Variants in KCNIP1 observed in about 807,000 individuals in gnomAD.
KCNIP1 encodes the protein potassium voltage-gated channel interacting protein 1, also known as A-type potassium channel modulatory protein KCNIP1.
Under a neutral mutation model 33.0 loss-of-function variants are expected in KCNIP1, and 18 were observed. The ratio of observed to expected loss-of-function variants is 0.55; its 90% CI spans 0.38 to 0.81. The LOEUF is 0.81. Among genes scored for constraint, KCNIP1 ranks in the 30% least tolerant of loss-of-function variants. KCNIP1 has a pLI of 0.00. For synonymous variants in KCNIP1, 93 were observed against 98.3 expected (o/e 0.95, Z 0.32); for missense variants, 238 against 271.6 (o/e 0.88, Z 0.87).
At chr5:170,731,321 C>T (rs1375983401) in intron 5 of KCNIP1, among the ~76,000 whole-genome samples, 1 of 152,110 alleles carries the variant, frequency 6.6e-6, no homozygotes, top group East Asian at 1.9e-4. Flanking sequence ...CATAACTAAA[C>T]CAGGGATTAA....
chr5:170,406,856 C>T (rs1218440194), intron 1 of KCNIP1, among the ~76,000 whole-genome samples: 8 of 152,182 alleles, frequency 5.3e-5, no homozygotes, highest in Admixed American at 1.3e-4. Context: ...GGCCATGGGC[C>T]CAAATCTGTG....
In KCNIP1 at chr5:170,620,378, G is replaced by A. The variant is rs183332802; in HGVS notation, c.62-98380G>A. On this transcript the variant is annotated intron_variant, in intron 1 of 7. Transcript: ENST00000328939. ...AAAGGCACTTGACCTAAATTAGTTC[G>A]ATAAGATTTAAGCTCAGAAATCTGG... Among the ~76,000 whole-genome samples the A allele has an allele frequency of 5.9e-5, 9 of 152,300 alleles. No homozygotes were observed. The South Asian group carries it at 6.2e-4, about 11-fold the overall frequency.
At chr5:170,364,668 C>T (rs1458782778) in intron 1 of KCNIP1, among the ~76,000 whole-genome samples, 1 of 152,222 alleles carries the variant, frequency 6.6e-6, no homozygotes, top group Non-Finnish European at 1.5e-5. Flanking sequence ...CGTCCCTCCT[C>T]ATCTCCCCCA....
chr5:170,565,039 C>T (rs1414478949), intron 1 of KCNIP1, among the ~76,000 whole-genome samples: 1 of 152,226 alleles, frequency 6.6e-6, no homozygotes, highest in Non-Finnish European at 1.5e-5. Flanking sequence ...GAAATGGCTG[C>T]GAGACCAGAG....
intron 1 of KCNIP1, among the ~76,000 whole-genome samples, chr5:170,581,350 C>T (rs187269742): frequency 6.6e-6 from 1 of 152,374 alleles, no homozygotes; most frequent in East Asian, 1.9e-4. Context: ...CCACTTCCTA[C>T]ACCACCTGGA....
At chr5:170,559,494 C>T (rs1308865490) in intron 1 of KCNIP1, among the ~76,000 whole-genome samples, 1 of 152,186 alleles carries the variant, frequency 6.6e-6, no homozygotes, top group Non-Finnish European at 1.5e-5. Flanking sequence ...TCTAAGCACA[C>T]TCCTATTCAT....
At chr5:170,653,134 G>T (rs942118572) in intron 1 of KCNIP1, among the ~76,000 whole-genome samples, 1 of 152,240 alleles carries the variant, frequency 6.6e-6, no homozygotes, top group South Asian at 2.1e-4. Flanking sequence ...TGCAGACAGC[G>T]ATTGGAGAAA....
chr5:170,698,471 C>T (rs905817), intron 1 of KCNIP1, among the ~76,000 whole-genome samples: 34,185 of 152,074 alleles, frequency 0.22, 5,227 homozygotes, highest in East Asian at 0.81. Context: ...ATCCTTAAGT[C>T]TCTAGTTCTT....
chr5:170,356,752 C>T (rs922292106), intron 1 of KCNIP1, among the ~76,000 whole-genome samples: 3 of 152,178 alleles, frequency 2.0e-5, no homozygotes, highest in Admixed American at 6.5e-5. Context: ...TGTGTGTTAC[C>T]GTGTTAAACG....
chr5:170,495,247 G>T (rs2113209985), intron 1 of KCNIP1, among the ~76,000 whole-genome samples: 1 of 152,326 alleles, frequency 6.6e-6, no homozygotes, highest in Non-Finnish European at 1.5e-5. Context: ...AAGAGGTTCT[G>T]CTTCCTGTGC....
chr5:170,652,424 G>T (rs1043974736), intron 1 of KCNIP1, among the ~76,000 whole-genome samples: 10 of 148,022 alleles, frequency 6.8e-5, no homozygotes, highest in Non-Finnish European at 3.0e-5. Flanking sequence ...GGCAGAGGTT[G>T]CAGTGAGCCC....
chr5:170,379,020 C>T (rs1224702673), intron 1 of KCNIP1: 2 of 1,594,190 alleles, frequency 1.3e-6, no homozygotes, highest in South Asian at 1.1e-5. Context: ...ATCCCCATTT[C>T]TTAGCCAAGG....
At chr5:170,710,936 T>C (rs1763423208) in intron 1 of KCNIP1, among the ~76,000 whole-genome samples, 1 of 152,234 alleles carries the variant, frequency 6.6e-6, no homozygotes, top group Non-Finnish European at 1.5e-5. Flanking sequence ...CAACACTGTT[T>C]TGAAATGATT....
At position 170,504,180 on chromosome 5, in the gene KCNIP1, C is replaced by G. The variant is rs968346525; in HGVS notation, c.-393C>G. 3.0e-6 allele frequency: 3 copies of G among 1,014,386 alleles called. No individual in the cohort carries two copies. The highest frequency in any genetic ancestry group is 2.4e-6 in the Non-Finnish European group (2 of 849,816). 62.8% of individuals were successfully genotyped at this position (1,014,386 alleles called of 1,614,324 possible). On this transcript the variant is annotated 5_prime_UTR_variant, in exon 1 of 8. Coordinates refer to ENST00000328939, the MANE Select transcript of KCNIP1 (RefSeq NM_014592.4). This position sits in a 1 kb window ranked among gnomAD's most constrained non-coding sequence, Gnocchi z 6.0. ...GGAGCCGAGTGTGCGGCAGGAGGGG[C>G]GGGCGGACGGCGGCTCCCGCACCGC...
intron 1 of KCNIP1, among the ~76,000 whole-genome samples, chr5:170,487,453 C>T (rs1757121311): frequency 3.3e-5 from 5 of 151,888 alleles, no homozygotes; most frequent in Admixed American, 3.3e-4. Flanking sequence ...ATGAACCCTT[C>T]TAAAGTGCAC....
intron 1 of KCNIP1, chr5:170,483,052 A>G (rs1052557747): frequency 4.4e-6 from 2 of 454,414 alleles, no homozygotes; most frequent in African/African-American, 4.0e-5. Flanking sequence ...TTTTGTTTCC[A>G]AGGACAGATG....
chr5:170,504,211 G>A lies in KCNIP1; in HGVS notation c.-362G>A, dbSNP rs1581249450. 3.8e-6 allele frequency: 4 copies of A among 1,046,722 alleles called. No homozygotes were observed. The South Asian group carries it at 1.4e-4, about 35-fold the overall frequency. 64.8% of individuals were successfully genotyped at this position (1,046,722 alleles called of 1,614,324 possible). A position where few individuals can be genotyped will look rare whatever the true frequency, so the allele number is the denominator to read the frequency against. On this transcript the variant is annotated 5_prime_UTR_variant, in exon 1 of 8. Coordinates refer to ENST00000328939, the MANE Select transcript of KCNIP1 (RefSeq NM_014592.4). This position sits in a 1 kb window ranked among gnomAD's most constrained non-coding sequence, Gnocchi z 6.0. ...GACGGCGGCTCCCGCACCGCACGCG[G>A]CGCTGGCTCGGCAGCCTCGGCCGGG...
At chr5:170,451,945 A>G (rs1228594922) in intron 1 of KCNIP1, among the ~76,000 whole-genome samples, 2 of 151,996 alleles carry the variant, frequency 1.3e-5, no homozygotes, top group Non-Finnish European at 2.9e-5. Flanking sequence ...CTATCCCAGG[A>G]GCTGCCCTGC....
At chr5:170,683,618 G>A (rs1762435570) in intron 1 of KCNIP1, among the ~76,000 whole-genome samples, 1 of 152,080 alleles carries the variant, frequency 6.6e-6, no homozygotes, top group Non-Finnish European at 1.5e-5. Context: ...AGATACACCA[G>A]GACCAATGTA....
Sources: allele counts gnomAD v4.1 joint callset (sites outside exome capture counted in the v4.1 genomes callset), GRCh38; gene constraint gnomAD v4.1.1; non-coding constraint Gnocchi (gnomAD v3.1); transcripts MANE v1.5; gene names NCBI Gene and HGNC (gene_info 2026-07-23, HGNC 2026-07-21).